TMC4: variants seen among roughly 807,000 people sequenced by gnomAD.
TMC4 encodes voltage-gated chloride channel TMC4.
Under a neutral mutation model 82.0 loss-of-function variants are expected in TMC4, and 70 were observed. The ratio of observed to expected loss-of-function variants is 0.85; its 90% CI spans 0.70 to 1.04. The LOEUF (loss-of-function observed/expected upper bound fraction) is 1.04, where lower values mean the gene tolerates loss of function less well. Ranked by LOEUF, TMC4 falls within the 50% of genes least tolerant of loss-of-function variation. The probability of loss-of-function intolerance (pLI) is 0.00; values close to 1 mark genes in which losing one functional copy is unlikely to be tolerated. For synonymous variants in TMC4, 446 were observed against 406.0 expected, an observed-to-expected ratio of 1.10 and a Z score of -1.18; for missense variants, 879 against 899.0, an observed-to-expected ratio of 0.98 and a Z score of 0.28.
chr19:54,171,116 C>CATCGTAT (rs2075876942), intron 2 of TMC4, among the ~76,000 whole-genome samples: 2 of 147,366 alleles, frequency 1.4e-5, no homozygotes, highest in Admixed American at 6.8e-5. Flanking sequence ...TATATATACG[C>CATCGTAT]ATATATATTT....
chr19:54,164,664 C>T, intron 6 of TMC4, 63 bp from the exon 7 acceptor site: 1 of 1,596,708 alleles, frequency 6.3e-7, no homozygotes, highest in Non-Finnish European at 8.5e-7. Context: ...CCCGGTTCCC[C>T]AGGTCTGGCT....
At chr19:54,165,830 T>G (rs2075689256) in intron 5 of TMC4, among the ~76,000 whole-genome samples, 1 of 151,740 alleles carries the variant, frequency 6.6e-6, no homozygotes, top group South Asian at 2.1e-4. Context: ...GGACAGAGCC[T>G]CGGAGCGAAG....
chr19:54,161,776 A>C (rs2075561255), intron 11 of TMC4, among the ~76,000 whole-genome samples: 1 of 152,116 alleles, frequency 6.6e-6, no homozygotes, highest in Non-Finnish European at 1.5e-5. Flanking sequence ...TCCTGACCTC[A>C]GGTGATCCAC....
chr19:54,162,403 G>T, intron 10 of TMC4, 118 bp from the exon 11 acceptor site: 1 of 759,508 alleles, frequency 1.3e-6, no homozygotes, highest in Non-Finnish European at 2.0e-6. Flanking sequence ...GGGGGGGGGG[G>T]CGGGACTTTC....
At chr19:54,164,922 G>GC in intron 6 of TMC4, among the ~76,000 whole-genome samples, 1 of 152,174 alleles carries the variant, frequency 6.6e-6, no homozygotes, top group African/African-American at 2.4e-5. Context: ...CAGAGGCTCC[G>GC]CCCCCAGGTG....
At chr19:54,162,612 C>T in intron 10 of TMC4, 61 bp downstream of exon 10, 1 of 1,361,458 alleles carries the variant, frequency 7.3e-7, no homozygotes, top group Non-Finnish European at 1.0e-6. Flanking sequence ...AAAAGAACAG[C>T]GCGATGGGGC....
chr19:54,162,845 A>AT, intron 9 of TMC4, 75 bp from the exon 10 acceptor site: 1 of 1,514,188 alleles, frequency 6.6e-7, no homozygotes, highest in Non-Finnish European at 9.1e-7. Context: ...GAGTCTCCAC[A>AT]TCGCAAGCCT....
chr19:54,160,505 C>A lies in TMC4; in HGVS notation c.2014G>T (p.Gly672Ter). Reference sequence around the variant, plus strand: ...CGTTTGAGCTCAGAGATGAGGCGTCCGTAGGAGTTAGCCAGAGCCACAGTG... The same window carrying A: ...CGTTTGAGCTCAGAGATGAGGCGTCAGTAGGAGTTAGCCAGAGCCACAGTG... ...AYTVALANSY[G>*]RLISELKRQR... The change falls in exon 14 of 15, where the codon GGA (glycine) becomes TGA (stop). Residue 672 changes from glycine (G) to a stop codon, truncating the protein, a stop_gained. Transcript: ENST00000619895. LOFTEE classifies it high-confidence loss of function. The A allele has an allele frequency of 1.2e-6, 2 of 1,614,178 alleles. No individual in the cohort carries two copies. The highest frequency in any genetic ancestry group is 1.7e-6 in the Non-Finnish European group (2 of 1,180,012).
At chr19:54,162,404 C>G (rs955789676) in intron 10 of TMC4, 119 bp from the exon 11 acceptor site, 1,039 of 458,198 alleles carry the variant, frequency 2.3e-3, no homozygotes, top group Admixed American at 5.8e-3. Flanking sequence ...GGGGGGGGGG[C>G]GGGACTTTCA....
intron 4 of TMC4, 42 bp from the exon 5 acceptor site, chr19:54,168,334 C>T (rs550331805): frequency 6.5e-7 from 1 of 1,540,748 alleles, no homozygotes; most frequent in Non-Finnish European, 8.8e-7. Context: ...TGGGAGGAGG[C>T]GGGGCTCCTG....
intron 5 of TMC4, among the ~76,000 whole-genome samples, chr19:54,166,451 G>A (rs1302690603): frequency 6.6e-6 from 1 of 151,966 alleles, no homozygotes; most frequent in South Asian, 2.1e-4. Flanking sequence ...TGGACAAAGA[G>A]ACCATGTGCA....
intron 10 of TMC4, 64 bp downstream of exon 10, chr19:54,162,609 C>G (rs1443333807): frequency 7.4e-7 from 1 of 1,351,242 alleles, no homozygotes; most frequent in Non-Finnish European, 1.1e-6. Context: ...GTGAAAAGAA[C>G]AGCGCGATGG....
intron 5 of TMC4, among the ~76,000 whole-genome samples, chr19:54,167,863 C>T (rs1324306711): frequency 6.6e-6 from 1 of 151,688 alleles, no homozygotes; most frequent in East Asian, 2.0e-4. Flanking sequence ...CAGTTCAAGA[C>T]CAGCCTGACC....
At position 54,163,144 on chromosome 19, in the gene TMC4, G is replaced by T; in HGVS notation, c.1293C>A (p.Arg431=). ...VFILLRTVFL[R]LASLVVLLFS... ...AGAGCAGGACCACCAGGGAGGCGAG[G>T]CGAAGAAACACGGTCCTGAAGGGGG... Residue 431 remains arginine, a synonymous_variant, in exon 9 of 15, where the codon CGC becomes CGA. Coordinates refer to ENST00000619895, the MANE Select transcript of TMC4 (RefSeq NM_144686.4). The T allele has an allele frequency of 6.2e-7, 1 of 1,613,920 alleles. No homozygotes were observed. Among genetic ancestry groups the T allele is most frequent in the East Asian group, 2.2e-5 (1 of 44,844 alleles).
chr19:54,172,567 C>CCCCCGGCTCCTCCTCCCTCAG, intron 1 of TMC4: 1 of 299,514 alleles, frequency 3.3e-6, no homozygotes, highest in Non-Finnish European at 6.0e-6. Flanking sequence ...GGAATCCAGG[C>CCCCCGGCTCCTCCTCCCTCAG]ACCCAGCCCC....
chr19:54,169,008 ATAT>A (rs1431178188), intron 3 of TMC4, among the ~76,000 whole-genome samples: 88 of 3,614 alleles, frequency 0.024, 21 homozygotes, highest in Non-Finnish European at 0.048. Context: ...ATATATATAT[ATAT>A]TTTTTTTTTT....
At chr19:54,170,358 G>C (rs1243068215) in intron 2 of TMC4, among the ~76,000 whole-genome samples, 2 of 151,622 alleles carry the variant, frequency 1.3e-5, no homozygotes, top group Non-Finnish European at 2.9e-5. Flanking sequence ...AAAGGTTAGG[G>C]AGAAGAGGTT....
At chr19:54,160,747 GCCTAGGCCTCCTC>G in intron 13 of TMC4, 118 bp downstream of exon 13, 1 of 1,410,022 alleles carries the variant, frequency 7.1e-7, no homozygotes, top group Non-Finnish European at 9.5e-7. Context: ...CAGTCCAGGA[GCCTAGGCCTCCTC>G]CCTCAGACTC....
chr19:54,162,070 C>T (rs2075567782), intron 11 of TMC4, 32 bp downstream of exon 11: 5 of 1,573,192 alleles, frequency 3.2e-6, no homozygotes, highest in Non-Finnish European at 4.3e-6. Context: ...ATACCTCCTG[C>T]CTCAGACCCA....
Sources: allele counts gnomAD v4.1 joint callset (sites outside exome capture counted in the v4.1 genomes callset), GRCh38; gene constraint gnomAD v4.1.1; transcripts MANE v1.5; gene names NCBI Gene and HGNC (gene_info 2026-07-23, HGNC 2026-07-21).